The following GSE1 variants were observed in gnomAD, a reference collection of about 807,000 sequenced individuals.
GSE1 encodes the protein genetic suppressor element 1.
A neutral mutation model predicts 112.6 loss-of-function variants in GSE1; 32 were observed. The ratio of observed to expected loss-of-function variants is 0.28; its 90% CI spans 0.21 to 0.38. The LOEUF (loss-of-function observed/expected upper bound fraction) is 0.38, where lower values mean the gene tolerates loss of function less well. GSE1 is among the 10% of genes least tolerant of loss of function. GSE1 has a pLI of 1.00. For synonymous variants in GSE1, 1,115 were observed against 735.6 expected, an observed-to-expected ratio of 1.52 and a Z score of -8.35; for missense variants, 2,348 against 1,699.2, an observed-to-expected ratio of 1.38 and a Z score of -6.71.
chr16:85,588,986 C>T (rs1048244855), intron 1 of GSE1, among the ~76,000 whole-genome samples: 4 of 152,190 alleles, frequency 2.6e-5, no homozygotes, highest in African/African-American at 7.2e-5. Context: ...CATGTTCACA[C>T]ATATACTCAC....
At chr16:85,173,093 GT>G (rs1245899936) in intron 1 of GSE1, among the ~76,000 whole-genome samples, 1 of 152,244 alleles carries the variant, frequency 6.6e-6, no homozygotes, top group Non-Finnish European at 1.5e-5. Context: ...GCATATAGCA[GT>G]GCAGCCCCTG....
intron 1 of GSE1, among the ~76,000 whole-genome samples, chr16:85,289,466 C>T (rs2045141032): frequency 6.6e-6 from 1 of 152,210 alleles, no homozygotes; most frequent in African/African-American, 2.4e-5. Flanking sequence ...CCTCTCAAAC[C>T]AATGTGTGTG....
At chr16:85,630,844 G>C (rs2049482105) in intron 1 of GSE1, among the ~76,000 whole-genome samples, 1 of 152,160 alleles carries the variant, frequency 6.6e-6, no homozygotes, top group African/African-American at 2.4e-5. Flanking sequence ...TTCCCCATCT[G>C]TACGCTAGGC....
chr16:85,301,477 C>T lies in GSE1; in HGVS notation c.2284-55986C>T, dbSNP rs573841165. 3.6e-4 allele frequency among the ~76,000 whole-genome samples: 55 copies of T among 152,332 alleles called. 1 individual carries two copies. The highest frequency in any genetic ancestry group is 3.3e-3 in the Admixed American group (51 of 15,308). On this transcript the variant is annotated intron_variant, in intron 1 of 2. Coordinates refer to the GSE1 transcript ENST00000637419. ...CTCCTGCCCTCACCTGTGCAAGCCA[C>T]ACTTGAGATAAAATCCAGTGGCTGC...
chr16:85,466,937 G>T (rs2050141917), intron 2 of GSE1, among the ~76,000 whole-genome samples: 1 of 152,236 alleles, frequency 6.6e-6, no homozygotes, highest in South Asian at 2.1e-4. Flanking sequence ...GCAGGCCCCT[G>T]TAATCCCAGT....
intron 1 of GSE1, among the ~76,000 whole-genome samples, chr16:85,195,579 C>G (rs1164675023): frequency 6.6e-6 from 1 of 152,230 alleles, no homozygotes; most frequent in African/African-American, 2.4e-5. Context: ...TTCTTCTGCC[C>G]TATATTTCTG....
rs557140107 is a variant in GSE1 at position 85,531,568 on chromosome 16, GCACCTTA to G, written c.2465-102342_2465-102336del. 3.9e-4 allele frequency among the ~76,000 whole-genome samples: 59 copies of G among 152,294 alleles called. 1 individual carries two copies. Among genetic ancestry groups the G allele is most frequent in the Middle Eastern group, 3.4e-3 (1 of 294 alleles). Reference sequence around the variant, plus strand: ...CTGGAACCCAAGGATGGCCCCGCTGGCACCTTACACAGAATGTTCTGGAACAGTGGCT... The same window carrying G: ...CTGGAACCCAAGGATGGCCCCGCTGGCACAGAATGTTCTGGAACAGTGGCT... On this transcript the variant is annotated intron_variant, in intron 2 of 2. Transcript: ENST00000637419.
At chr16:85,306,249 CTCATTTCCT>C (rs1337893805) in intron 1 of GSE1, 1 of 154,222 alleles carries the variant, frequency 6.5e-6, no homozygotes, top group East Asian at 1.9e-4. Context: ...CCTAGCCAGC[CTCATTTCCT>C]AATCCTCCTA....
intron 2 of GSE1, among the ~76,000 whole-genome samples, chr16:85,530,850 C>G (rs1179424839): frequency 6.6e-6 from 1 of 152,230 alleles, no homozygotes; most frequent in East Asian, 1.9e-4. Flanking sequence ...CCTTGAGGCC[C>G]AAGTGAGGAG....
chr16:85,544,354 T>C (rs2044624950), intron 2 of GSE1, among the ~76,000 whole-genome samples: 1 of 152,154 alleles, frequency 6.6e-6, no homozygotes. Context: ...TACCCCATGC[T>C]GGGGACACAT....
chr16:85,382,693 A>G (rs1040698593), intron 2 of GSE1, among the ~76,000 whole-genome samples: 2 of 152,144 alleles, frequency 1.3e-5, no homozygotes, highest in South Asian at 4.1e-4. Context: ...CCAGGCCATC[A>G]AGAGCATGGC....
At chr16:85,446,379 A>G (rs988966240) in intron 2 of GSE1, among the ~76,000 whole-genome samples, 19 of 152,220 alleles carry the variant, frequency 1.2e-4, no homozygotes, top group African/African-American at 4.6e-4. Context: ...GGATAAAAAC[A>G]GAACTGAACC....
chr16:85,608,333 G>A (rs747461730), upstream of GSE1, among the ~76,000 whole-genome samples: 7 of 152,102 alleles, frequency 4.6e-5, no homozygotes, highest in Non-Finnish European at 7.4e-5. Flanking sequence ...TTAGCCCCCC[G>A]CCCCTTGCCC....
intron 2 of GSE1, among the ~76,000 whole-genome samples, chr16:85,372,488 A>C (rs1280771091): frequency 2.8e-4 from 1 of 3,616 alleles, no homozygotes; most frequent in Non-Finnish European, 1.3e-3. Context: ...CTGTCTCACA[A>C]AAAAAAAAAA....
chr16:85,439,703 A>G (rs2049332284), intron 2 of GSE1, among the ~76,000 whole-genome samples: 2 of 152,116 alleles, frequency 1.3e-5, no homozygotes, highest in African/African-American at 4.8e-5. Context: ...CATACATGCA[A>G]CAAAAGTGCA....
At chr16:85,650,284 C>A (rs77455648) in intron 3 of GSE1, among the ~76,000 whole-genome samples, 1 of 151,770 alleles carries the variant, frequency 6.6e-6, no homozygotes, top group Non-Finnish European at 1.5e-5. Context: ...AGGCCGCCCC[C>A]CAGGGCCAGC....
chr16:85,432,573 C>T (rs75557202), intron 2 of GSE1, among the ~76,000 whole-genome samples: 2,211 of 152,326 alleles, frequency 0.015, 55 homozygotes, highest in African/African-American at 0.051. Flanking sequence ...ATATGTTGCA[C>T]GTCGTGGCAG....
intron 1 of GSE1, among the ~76,000 whole-genome samples, chr16:85,245,164 G>GAAACA (rs56058703): frequency 0.16 from 24,840 of 151,524 alleles, 2,340 homozygotes; most frequent in South Asian, 0.34. Flanking sequence ...CCTGTCTCAA[G>GAAACA]AAACAAAACA....
intron 1 of GSE1, among the ~76,000 whole-genome samples, chr16:85,563,058 G>A (rs564974933): frequency 4.4e-4 from 67 of 152,298 alleles, no homozygotes; most frequent in Non-Finnish European, 7.2e-4. Flanking sequence ...GTCCCCTTTT[G>A]GTGGTCTAGC....
Sources: allele counts gnomAD v4.1 joint callset (sites outside exome capture counted in the v4.1 genomes callset), GRCh38; gene constraint gnomAD v4.1.1; transcripts MANE v1.5; gene names NCBI Gene and HGNC (gene_info 2026-07-23, HGNC 2026-07-21).